Variants in MAGOH observed in about 807,000 individuals in gnomAD.
The protein encoded by MAGOH is protein mago nashi homolog.
Under a neutral mutation model 20.9 loss-of-function variants are expected in MAGOH, and 3 were observed. The ratio of observed to expected loss-of-function variants is 0.14; its 90% CI spans 0.07 to 0.37. The LOEUF is 0.37. Among genes scored for constraint, MAGOH ranks in the 10% least tolerant of loss-of-function variants. The pLI, the probability that MAGOH is intolerant of heterozygous loss-of-function variation, is 1.00. For missense variants in MAGOH, 66 were observed against 178.1 expected (o/e 0.37, Z 3.58); for synonymous variants, 51 against 61.0 (o/e 0.84, Z 0.76).
At chr1:53,237,073 C>T (rs1446002645) in intron 1 of MAGOH, among the ~76,000 whole-genome samples, 1 of 151,488 alleles carries the variant, frequency 6.6e-6, no homozygotes, top group Non-Finnish European at 1.5e-5. Flanking sequence ...CTCAGCCTCC[C>T]GAGCAGCTGG....
chr1:53,227,834 C>T (rs1308287869), intron 4 of MAGOH, among the ~76,000 whole-genome samples: 2 of 152,172 alleles, frequency 1.3e-5, no homozygotes, highest in African/African-American at 4.8e-5. Context: ...CCACCACACC[C>T]GGCCCGAGTT....
intron 3 of MAGOH, among the ~76,000 whole-genome samples, chr1:53,230,303 C>G (rs1326788385): frequency 2.6e-5 from 4 of 152,100 alleles, no homozygotes; most frequent in Non-Finnish European, 5.9e-5. Context: ...ATACTTGTGT[C>G]AGATTTTTTT....
intron 1 of MAGOH, among the ~76,000 whole-genome samples, chr1:53,237,133 G>C (rs1033463064): frequency 7.3e-5 from 11 of 150,934 alleles, no homozygotes; most frequent in Non-Finnish European, 5.9e-5. Context: ...ATTTTTAGTA[G>C]AGGCGGGGTT....
At chr1:53,235,146 T>G (rs1047520217) in intron 2 of MAGOH, among the ~76,000 whole-genome samples, 1 of 152,228 alleles carries the variant, frequency 6.6e-6, no homozygotes, top group African/African-American at 2.4e-5. Flanking sequence ...CACTCAGATG[T>G]AAATTAAATA....
At chr1:53,231,077 TATC>T (rs1645584057) in intron 3 of MAGOH, among the ~76,000 whole-genome samples, 1 of 152,218 alleles carries the variant, frequency 6.6e-6, no homozygotes, top group African/African-American at 2.4e-5. Flanking sequence ...TCTTTTCTCA[TATC>T]ATTTTTTAAA....
rs1396396793 is a variant in MAGOH at position 53,238,345 on chromosome 1, G to C, written c.88+16C>G. On this transcript the variant is annotated intron_variant, in intron 1 of 4. Transcript: ENST00000371470. ...GGCCTGGTCCCCGCTCCCGGCGGGC[G>C]GCAGGCTGCTTTTACCGTCCGGTCG... The C allele has an allele frequency of 3.1e-6, 5 of 1,613,576 alleles. No individual in the cohort carries two copies. The East Asian group carries it at 1.1e-4, about 36-fold the overall frequency.
At chr1:53,238,303 C>G (rs1343980122) in intron 1 of MAGOH, 58 bp downstream of exon 1, 2 of 1,532,750 alleles carry the variant, frequency 1.3e-6, no homozygotes, top group African/African-American at 1.4e-5. Context: ...CTCGGCCTCC[C>G]CACTCGCCGG....
intron 1 of MAGOH, among the ~76,000 whole-genome samples, chr1:53,238,012 C>A (rs1557729744): frequency 6.6e-6 from 1 of 152,252 alleles, no homozygotes; most frequent in East Asian, 1.9e-4. Context: ...ATTATTCTAC[C>A]ATGTTATTTT....
At chr1:53,229,121 T>C (rs1645573879) in intron 3 of MAGOH, among the ~76,000 whole-genome samples, 167 bp from the exon 4 acceptor site, 2 of 151,808 alleles carry the variant, frequency 1.3e-5, no homozygotes, top group African/African-American at 4.8e-5. Context: ...AAACAAGAGA[T>C]AAATACAGCT....
Position 53,228,876 on chromosome 1 carries a change from A to G in MAGOH, c.337T>C (p.Ser113Pro). 6.2e-7 allele frequency: 1 copy of G among 1,604,856 alleles called. No individual in the cohort carries two copies. The highest frequency in any genetic ancestry group is 8.5e-7 in the Non-Finnish European group (1 of 1,171,642). Reference sequence around the variant, plus strand: ...ATAAGGATCATGCACACTTACTTGGATTGATTGACATCAATAAGGGAACCA... The same window carrying G: ...ATAAGGATCATGCACACTTACTTGGGTTGATTGACATCAATAAGGGAACCA... ...KIGSLIDVNQ[S>P]KDPEGLRVFY... Residue 113 changes from serine to proline, a missense_variant, in exon 4 of 5, where the codon TCC (serine) becomes CCC (proline). By Grantham distance (74) the Ser-to-Pro change is moderately conservative (BLOSUM62 -1). Coordinates refer to ENST00000371470, the MANE Select transcript of MAGOH (RefSeq NM_002370.4).
At chr1:53,231,954 T>C (rs1294560896) in intron 3 of MAGOH, among the ~76,000 whole-genome samples, 1 of 152,252 alleles carries the variant, frequency 6.6e-6, no homozygotes, top group Non-Finnish European at 1.5e-5. Context: ...TTGTACATCT[T>C]GTTAAATGCA....
At chr1:53,232,056 T>G (rs563534926) in intron 3 of MAGOH, among the ~76,000 whole-genome samples, 1 of 152,216 alleles carries the variant, frequency 6.6e-6, no homozygotes, top group Non-Finnish European at 1.5e-5. Context: ...CAAAGGAATA[T>G]GCCCTTCCCT....
intron 2 of MAGOH, among the ~76,000 whole-genome samples, chr1:53,235,288 T>C (rs1318675587): frequency 6.6e-6 from 1 of 152,166 alleles, no homozygotes. Context: ...GAAACAGAGA[T>C]TTATCAAGTT....
chr1:53,231,385 G>A (rs1392926367), intron 3 of MAGOH, among the ~76,000 whole-genome samples: 1 of 152,078 alleles, frequency 6.6e-6, no homozygotes, highest in African/African-American at 2.4e-5. Context: ...TCAAACCTAA[G>A]TTGTAAAGAA....
rs867117818 is a variant in MAGOH at position 53,236,479 on chromosome 1, C to T, written c.89-844G>A. 3.9e-5 allele frequency among the ~76,000 whole-genome samples: 6 copies of T among 152,354 alleles called. No homozygotes were observed. In the South Asian group the frequency reaches 1.0e-3, roughly 26 times the overall value. On this transcript the variant is annotated intron_variant, in intron 1 of 4. Transcript: ENST00000371470. ...TTCCTGCCAATATTCTTCTCTCACACAGCTGAAGTCAAACTACTTGGTTTC... is the reference window on the plus strand; with the variant it reads ...TTCCTGCCAATATTCTTCTCTCACATAGCTGAAGTCAAACTACTTGGTTTC...
intron 2 of MAGOH, 171 bp from the exon 3 acceptor site, chr1:53,233,823 A>G: frequency 1.8e-6 from 1 of 560,924 alleles, no homozygotes. Context: ...GGACACGGTC[A>G]GAAGTATCCA....
At position 53,227,040 on chromosome 1, in the gene MAGOH, T is replaced by TAA; in HGVS notation, c.*4_*5insTT. 7.5e-7 allele frequency: 1 copy of TAA among 1,339,976 alleles called. No individual in the cohort carries two copies. Among genetic ancestry groups the TAA allele is most frequent in the Non-Finnish European group, 1.0e-6 (1 of 956,854 alleles). The allele number at this position is 1,339,976 out of a possible 1,614,324, so 83.0% of individuals were successfully genotyped here. On this transcript the variant is annotated 3_prime_UTR_variant, in exon 5 of 5. Coordinates refer to ENST00000371470, the MANE Select transcript of MAGOH (RefSeq NM_002370.4). ...CCACCCCCCATGTCCACACCAATAT[T>TAA]CAGTCTAGATTGGTTTAATCTTGAA...
At chr1:53,237,359 C>A (rs35728069) in intron 1 of MAGOH, among the ~76,000 whole-genome samples, 3,166 of 151,760 alleles carry the variant, frequency 0.021, 40 homozygotes, top group Middle Eastern at 0.068. Flanking sequence ...AAGAAGAGAT[C>A]ACATTTCTTC....
Position 53,235,540 on chromosome 1 carries a change from GC to G in MAGOH, c.147+36del, listed in dbSNP as rs778134484. On this transcript the variant is annotated intron_variant, in intron 2 of 4. Transcript: ENST00000371470. Reference sequence around the variant, plus strand: ...ATGCAAGACAAAAAGCTGAAATGTAGCAAATGAAGGACTCTCAGAAGGCAGA... The same window carrying G: ...ATGCAAGACAAAAAGCTGAAATGTAGAAATGAAGGACTCTCAGAAGGCAGA... 1.9e-6 allele frequency: 3 copies of G among 1,567,702 alleles called. No individual in the cohort carries two copies. The East Asian group carries it at 6.7e-5, about 35-fold the overall frequency.
Sources: allele counts gnomAD v4.1 joint callset (sites outside exome capture counted in the v4.1 genomes callset), GRCh38; gene constraint gnomAD v4.1.1; transcripts MANE v1.5; gene names NCBI Gene and HGNC (gene_info 2026-07-23, HGNC 2026-07-21).